The following SMARCC1 variants were observed in gnomAD, a reference collection of about 807,000 sequenced individuals.
The protein encoded by SMARCC1 is SWI/SNF related BAF chromatin remodeling complex subunit C1.
SMARCC1 carries 43 observed loss-of-function variants against 147.4 expected under a neutral mutation model. That is an observed-to-expected ratio of 0.29 (90% CI 0.23 to 0.38). The LOEUF (loss-of-function observed/expected upper bound fraction) is 0.38. Ranked by LOEUF, SMARCC1 falls within the 10% of genes least tolerant of loss-of-function variation. SMARCC1 has a pLI of 1.00. For missense variants in SMARCC1, 1,119 were observed against 1,381.1 expected, an observed-to-expected ratio of 0.81 and a Z score of 3.01; for synonymous variants, 495 against 484.4, an observed-to-expected ratio of 1.02 and a Z score of -0.29.
chr3:47,716,631 T>C (rs914069472), intron 7 of SMARCC1, among the ~76,000 whole-genome samples: 1 of 152,166 alleles, frequency 6.6e-6, no homozygotes, highest in African/African-American at 2.4e-5. Context: ...ATGTGTTATT[T>C]TGGAACTTAT....
chr3:47,638,425 T>C (rs751835969), intron 22 of SMARCC1, among the ~76,000 whole-genome samples: 2 of 152,180 alleles, frequency 1.3e-5, no homozygotes, highest in South Asian at 2.1e-4. Flanking sequence ...TAGTCCCAAC[T>C]TGTGTATTCA....
intron 21 of SMARCC1, among the ~76,000 whole-genome samples, chr3:47,644,406 G>A (rs1281809152): frequency 6.6e-6 from 1 of 152,142 alleles, no homozygotes; most frequent in African/African-American, 2.4e-5. Context: ...TGAAGCAGGA[G>A]GATCACTTGG....
At chr3:47,716,722 A>T (rs1334187338) in intron 7 of SMARCC1, among the ~76,000 whole-genome samples, 1 of 152,220 alleles carries the variant, frequency 6.6e-6, no homozygotes, top group East Asian at 1.9e-4. Context: ...CTTTTCCTAT[A>T]TAGTTGCTGA....
intron 24 of SMARCC1, among the ~76,000 whole-genome samples, chr3:47,632,042 AG>A (rs1403926865): frequency 6.6e-6 from 1 of 152,194 alleles, no homozygotes; most frequent in Non-Finnish European, 1.5e-5. Flanking sequence ...AGTAAATAGA[AG>A]GAAGAGTGAC....
chr3:47,745,800 T>C, intron 3 of SMARCC1, 108 bp downstream of exon 3: 1 of 600,956 alleles, frequency 1.7e-6, no homozygotes, highest in Non-Finnish European at 2.9e-6. Flanking sequence ...GGGCTCTTGG[T>C]AAAACACATT....
chr3:47,745,579 G>A (rs1370273909), intron 3 of SMARCC1, among the ~76,000 whole-genome samples: 1 of 152,176 alleles, frequency 6.6e-6, no homozygotes, highest in South Asian at 2.1e-4. Flanking sequence ...CAGGCATGGT[G>A]GTGCACGCCT....
chr3:47,637,188 C>T (rs1441761218), intron 22 of SMARCC1, among the ~76,000 whole-genome samples: 1 of 152,098 alleles, frequency 6.6e-6, no homozygotes, highest in Non-Finnish European at 1.5e-5. Flanking sequence ...ACACACCACA[C>T]CCAGCTGAGA....
At position 47,604,968 on chromosome 3, in the gene SMARCC1, T is replaced by C. The variant is rs1282336089; in HGVS notation, c.3043+5098A>G. Among the ~76,000 whole-genome samples the C allele has an allele frequency of 2.0e-5, 3 of 152,234 alleles. No homozygotes were observed. The East Asian group carries it at 5.8e-4, about 29-fold the overall frequency. ...CACCTGCCTTGGCTTCCCAAAGTGT[T>C]GGGATTACAGGCGTAAGCCACCGCG... is the stretch of plus-strand genomic sequence containing the variant. On this transcript the variant is annotated intron_variant, in intron 26 of 27. Transcript: ENST00000254480.
At chr3:47,655,268 T>C (rs1345266383) in intron 21 of SMARCC1, among the ~76,000 whole-genome samples, 2 of 152,230 alleles carry the variant, frequency 1.3e-5, no homozygotes, top group Non-Finnish European at 2.9e-5. Context: ...AATGGTGTCA[T>C]GTGCCTGTAG....
rs77687087 is a variant in SMARCC1, at chr3:47,726,810, T to C, written c.646+2215A>G. Among the ~76,000 whole-genome samples the C allele has an allele frequency of 5.7e-3, 865 of 152,354 alleles. 5 individuals carry two copies. The highest frequency in any genetic ancestry group is 0.02 in the African/African-American group (829 of 41,576). ...ACAACCATGTTATATTCAGTATCAA[T>C]GAATTTCACTACTTTGGGTACTTCA... is the stretch of plus-strand genomic sequence containing the variant. On this transcript the variant is annotated intron_variant, in intron 6 of 27. Coordinates refer to ENST00000254480, the MANE Select transcript of SMARCC1 (RefSeq NM_003074.4).
intron 21 of SMARCC1, among the ~76,000 whole-genome samples, chr3:47,644,144 C>T (rs1025622299): frequency 6.6e-6 from 1 of 152,282 alleles, no homozygotes; most frequent in South Asian, 2.1e-4. Flanking sequence ...ATCACCACTG[C>T]ACTCCAGCCT....
Position 47,662,511 on chromosome 3 carries a change from A to G in SMARCC1, c.1981T>C (p.Phe661Leu). 1 of 1,614,070 alleles carries G rather than the reference A, an allele frequency of 6.2e-7. No homozygotes were observed. The highest frequency in any genetic ancestry group is 1.3e-5 in the African/African-American group (1 of 75,040). The change falls in exon 20 of 28, where the codon TTT (phenylalanine) becomes CTT (leucine). Residue 661 changes from phenylalanine to leucine, a missense_variant. Physicochemically the swap from Phe to Leu is conservative, Grantham distance 22 (BLOSUM62 0). Coordinates refer to ENST00000254480, the MANE Select transcript of SMARCC1 (RefSeq NM_003074.4). ...GGGTCCTCAATGGGAAGTCTCAAAA[A>G]GTGGAGGATGCATTCATCCTGAGTA... ...SRTQDECILHFLRLPIEDPYL... is the reference protein window; with the variant it reads ...SRTQDECILHLLRLPIEDPYL...
intron 21 of SMARCC1, among the ~76,000 whole-genome samples, chr3:47,652,496 A>G (rs2033202533): frequency 6.6e-6 from 1 of 152,012 alleles, no homozygotes; most frequent in African/African-American, 2.4e-5. Context: ...ACATCTACAA[A>G]TTTTACTTCT....
At chr3:47,617,729 G>A (rs2032666007) in intron 25 of SMARCC1, among the ~76,000 whole-genome samples, 1 of 152,168 alleles carries the variant, frequency 6.6e-6, no homozygotes, top group African/African-American at 2.4e-5. Flanking sequence ...GCATTTTGAA[G>A]TTCAAATGAC....
chr3:47,588,398 T>C (rs1035337596), intron 27 of SMARCC1, 92 bp from the exon 28 acceptor site: 3 of 1,216,572 alleles, frequency 2.5e-6, no homozygotes, highest in Non-Finnish European at 3.6e-6. Flanking sequence ...ACAGAAGTCC[T>C]TTCCTTAGTG....
intron 26 of SMARCC1, among the ~76,000 whole-genome samples, chr3:47,602,426 T>C (rs1258932483): frequency 1.3e-5 from 2 of 152,268 alleles, no homozygotes; most frequent in Admixed American, 6.5e-5. Context: ...GCCTCCCAAG[T>C]AGTTGGGACC....
intron 25 of SMARCC1, among the ~76,000 whole-genome samples, chr3:47,621,603 G>A (rs2032732897): frequency 6.6e-6 from 1 of 152,154 alleles, no homozygotes; most frequent in South Asian, 2.1e-4. Context: ...GCTAAACACT[G>A]TGTATACACA....
At chr3:47,704,324 T>C (rs1256792414) in intron 10 of SMARCC1, among the ~76,000 whole-genome samples, 1 of 152,206 alleles carries the variant, frequency 6.6e-6, no homozygotes, top group African/African-American at 2.4e-5. Context: ...ATTTTTAACA[T>C]AACTCTAAGG....
At chr3:47,683,835 A>G (rs1576410590) in intron 14 of SMARCC1, among the ~76,000 whole-genome samples, 1 of 152,220 alleles carries the variant, frequency 6.6e-6, no homozygotes, top group East Asian at 1.9e-4. Context: ...TGGAGTGGTA[A>G]GTTCTGGTAT....
Sources: gnomAD v4.1 joint callset for allele counts (sites outside exome capture counted in the v4.1 genomes callset) on GRCh38, gnomAD v4.1.1 for gene constraint, MANE v1.5 for transcripts, NCBI Gene and HGNC (gene_info 2026-07-23, HGNC 2026-07-21) for gene names.